ASTL: variants seen among roughly 807,000 people sequenced by gnomAD.
ASTL encodes astacin like metalloendopeptidase, also known as astacin-like metalloendopeptidase.
Under a neutral mutation model 36.7 loss-of-function variants are expected in ASTL, and 27 were observed. That is an observed-to-expected ratio of 0.73 (90% CI 0.54 to 1.01). The LOEUF (loss-of-function observed/expected upper bound fraction) is 1.01, where lower values mean the gene tolerates loss of function less well. Among genes scored for constraint, ASTL ranks in the 50% least tolerant of loss-of-function variants. ASTL has a pLI of 0.00. For missense variants in ASTL, 524 were observed against 572.8 expected (o/e 0.91, Z 0.87); for synonymous variants, 222 against 228.1 (o/e 0.97, Z 0.24).
chr2:96,131,335 GT>G (rs765438884), intron 6 of ASTL, among the ~76,000 whole-genome samples: 1 of 152,178 alleles, frequency 6.6e-6, no homozygotes, highest in South Asian at 2.1e-4. Context: ...CTGAAAGAAA[GT>G]TTTGTTGTTT....
At chr2:96,131,667 G>A (rs1478995888) in intron 6 of ASTL, among the ~76,000 whole-genome samples, 1 of 152,102 alleles carries the variant, frequency 6.6e-6, no homozygotes, top group Non-Finnish European at 1.5e-5. Context: ...ACTCATGTTT[G>A]CTGAGAGCCA....
chr2:96,124,362 G>T lies in ASTL; in HGVS notation c.875-91C>A. The T allele has an allele frequency of 8.1e-7, 1 of 1,231,334 alleles. No individual in the cohort carries two copies. The highest frequency in any genetic ancestry group is 1.1e-6 in the Non-Finnish European group (1 of 927,362). 76.3% of individuals were successfully genotyped at this position (1,231,334 alleles called of 1,614,324 possible). ...GACCCAGAGCTGGCTCAGCTCACAG[G>T]AGTGGTGCCCACCCATGCCACGGCC... On this transcript the variant is annotated intron_variant, in intron 8 of 8. Coordinates refer to ENST00000342380, the MANE Select transcript of ASTL (RefSeq NM_001002036.4). This position sits in a 1 kb window ranked among gnomAD's most constrained non-coding sequence, Gnocchi z 4.1.
At position 96,130,128 on chromosome 2, in the gene ASTL, T is replaced by C. The variant is rs752809649; in HGVS notation, c.655A>G (p.Ile219Val). 3 of 1,613,640 alleles carry C rather than the reference T, an allele frequency of 1.9e-6. No individual in the cohort carries two copies. The African/African-American group carries it at 4.0e-5, about 22-fold the overall frequency. ...AGCATGTTGCTGCTCTGAGACTTGA[T>C]GAAGTTGATTTCAAAGCCTAAAAAT... ...EILPGFEINF[I>V]KSQSSNMLTP... Residue 219 changes from isoleucine to valine, a missense_variant, in exon 7 of 9, where the codon ATC becomes GTC. Transcript: ENST00000342380.
At chr2:96,135,713 C>T (rs1682282404) in intron 2 of ASTL, among the ~76,000 whole-genome samples, 1 of 152,186 alleles carries the variant, frequency 6.6e-6, no homozygotes, top group African/African-American at 2.4e-5. Context: ...TGTCCCTCTC[C>T]TGACTGTGGA....
chr2:96,129,775 C>T (rs779864625), intron 8 of ASTL, 49 bp downstream of exon 8: 2 of 1,500,014 alleles, frequency 1.3e-6, no homozygotes, highest in Non-Finnish European at 1.8e-6. Flanking sequence ...ACCATTAGAG[C>T]ACAGGCGCCT....
In ASTL at chr2:96,138,454, C is replaced by CGGCA; in HGVS notation, c.-19_-18insTGCC. On this transcript the variant is annotated 5_prime_UTR_variant, in exon 1 of 9. Transcript: ENST00000342380. ...CCCTCCATGGTAGAGCCCTGCTGCC[C>CGGCA]CTTCAGCAAACAAGACCAAGCCCCA... 3 of 1,604,814 alleles carry CGGCA rather than the reference C, an allele frequency of 1.9e-6. No individual in the cohort carries two copies. The highest frequency in any genetic ancestry group is 1.7e-6 in the Non-Finnish European group (2 of 1,175,062).
rs750236335 is a variant in ASTL at position 96,138,392 on chromosome 2, G to C, written c.45C>G (p.Leu15=). The change falls in exon 1 of 9, where the codon CTC becomes CTG. Residue 15 remains leucine, a synonymous_variant. Transcript: ENST00000342380. ...AGGCAGCCAGCTTACCTGGCAAGGA[G>C]AGCAGACCCAGCACCCAAGGCCAGA... is the stretch of plus-strand genomic sequence containing the variant. ...GGLWPWVLGL[L]SLPGVILGAP... is the part of the protein sequence containing the mutation. The C allele has an allele frequency of 1.2e-6, 2 of 1,610,118 alleles. No individual in the cohort carries two copies. Among genetic ancestry groups the C allele is most frequent in the Non-Finnish European group, 1.7e-6 (2 of 1,178,248 alleles).
At chr2:96,131,385 G>A (rs866814019) in intron 6 of ASTL, among the ~76,000 whole-genome samples, 1 of 152,066 alleles carries the variant, frequency 6.6e-6, no homozygotes, top group Non-Finnish European at 1.5e-5. Context: ...CGGTTTTGAT[G>A]TATCGGTTTC....
At position 96,132,310 on chromosome 2, in the gene ASTL, A is replaced by G. The variant is rs1406211340; in HGVS notation, c.637+230T>C. On this transcript the variant is annotated intron_variant, in intron 6 of 8. Transcript: ENST00000342380. This position sits in a 1 kb window ranked among gnomAD's most constrained non-coding sequence, Gnocchi z 5.4. ...CAAAGCAGGTGGTGGCGCCCTAGCT[A>G]AGGCACAACTACAGGTGGGTAGAGG... Among the ~76,000 whole-genome samples, 1 of 152,174 alleles carries G rather than the reference A, an allele frequency of 6.6e-6. No individual in the cohort carries two copies. The highest frequency in any genetic ancestry group is 6.5e-5 in the Admixed American group (1 of 15,294).
At chr2:96,131,498 A>G (rs557722864) in intron 6 of ASTL, among the ~76,000 whole-genome samples, 1 of 152,332 alleles carries the variant, frequency 6.6e-6, no homozygotes, top group Non-Finnish European at 1.5e-5. Flanking sequence ...GTAAACTTTC[A>G]CAACTGTTCC....
chr2:96,133,203 C>G (rs541060929), intron 5 of ASTL, among the ~76,000 whole-genome samples: 4 of 152,190 alleles, frequency 2.6e-5, no homozygotes, highest in African/African-American at 4.8e-5. Context: ...TGGAGTCCCC[C>G]GGGAGAGGAG....
chr2:96,129,888 C>T lies in ASTL; in HGVS notation c.810G>A (p.Ser270=), dbSNP rs749809450. ...AGAGTTTGAGGACCCGGGTGATGTC[C>T]GAGGCACTCAGGTTCCATCGCTGGC... ...HIGQRWNLSA[S]DITRVLKLYG... is the part of the protein sequence containing the mutation. Residue 270 remains serine, a synonymous_variant, in exon 8 of 9, where the codon TCG becomes TCA. Coordinates refer to ENST00000342380, the MANE Select transcript of ASTL (RefSeq NM_001002036.4). 1.8e-5 allele frequency: 29 copies of T among 1,603,908 alleles called. No individual in the cohort carries two copies. The highest frequency in any genetic ancestry group is 1.7e-4 in the African/African-American group (13 of 74,848).
intron 8 of ASTL, among the ~76,000 whole-genome samples, chr2:96,128,023 A>T (rs1682097749): frequency 6.6e-6 from 1 of 152,172 alleles, no homozygotes; most frequent in Admixed American, 6.5e-5. Flanking sequence ...ACCTGAGGTC[A>T]GGAGCTCAAG....
Position 96,132,430 on chromosome 2 carries a change from C to T in ASTL, c.637+110G>A. 4.2e-6 allele frequency: 4 copies of T among 959,210 alleles called. No individual in the cohort carries two copies. The highest frequency in any genetic ancestry group is 6.1e-6 in the Non-Finnish European group (4 of 660,032). The allele number at this position is 959,210 out of a possible 1,614,324, so 59.4% of individuals were successfully genotyped here. On this transcript the variant is annotated intron_variant, in intron 6 of 8. Transcript: ENST00000342380. This position sits in a 1 kb window ranked among gnomAD's most constrained non-coding sequence, Gnocchi z 5.4. ...CCCCACCTTCCCCACAGGAAGCAGG[C>T]AGGTGATGGGGAGGATGGATAGCCT...
At position 96,125,074 on chromosome 2, in the gene ASTL, T is replaced by A. The variant is rs192521807; in HGVS notation, c.875-803A>T. 5.3e-5 allele frequency among the ~76,000 whole-genome samples: 8 copies of A among 152,242 alleles called. No homozygotes were observed. The East Asian group carries it at 1.5e-3, about 29-fold the overall frequency. ...CCTGTGCACACTGAGGTAGCGCGGC[T>A]CTGCAGATACTCCCCAGACCCAGCA... On this transcript the variant is annotated intron_variant, in intron 8 of 8. Coordinates refer to ENST00000342380, the MANE Select transcript of ASTL (RefSeq NM_001002036.4).
At chr2:96,137,463 G>C in intron 2 of ASTL, 112 bp downstream of exon 2, 1 of 1,304,996 alleles carries the variant, frequency 7.7e-7, no homozygotes, top group South Asian at 1.3e-5. Flanking sequence ...TTAGAGCCCA[G>C]AGTAAGCTGG....
chr2:96,124,100 G>T lies in ASTL; in HGVS notation c.1046C>A (p.Pro349His), dbSNP rs1682014535. The T allele has an allele frequency of 1.2e-6, 2 of 1,607,556 alleles. No homozygotes were observed. The highest frequency in any genetic ancestry group is 1.7e-4 in the Middle Eastern group (1 of 6,018). ...PGESPHGWES[P>H]ALKKLSAEAS... is the part of the protein sequence containing the mutation. The stretch of plus-strand genomic sequence containing the variant: ...CTCTGCACTGAGCTTTTTCAGGGCA[G>T]GGGACTCCCACCCATGTGGGCTCTC... Residue 349 changes from proline (P) to histidine (H), a missense_variant, in exon 9 of 9, where the codon CCT becomes CAT. Physicochemically the swap from Pro to His is moderately conservative, Grantham distance 77. Coordinates refer to ENST00000342380, the MANE Select transcript of ASTL (RefSeq NM_001002036.4). This position sits in a 1 kb window ranked among gnomAD's most constrained non-coding sequence, Gnocchi z 4.1.
chr2:96,138,246 TA>T, intron 1 of ASTL, 135 bp downstream of exon 1: 1 of 822,702 alleles, frequency 1.2e-6, no homozygotes, highest in Non-Finnish European at 1.9e-6. Context: ...ACTTCTAGAA[TA>T]ACCCTGGAGA....
intron 3 of ASTL, among the ~76,000 whole-genome samples, chr2:96,134,968 G>A (rs1412763504): frequency 6.6e-6 from 1 of 152,128 alleles, no homozygotes; most frequent in East Asian, 1.9e-4. Flanking sequence ...TCCCTAGGTC[G>A]CCACTGCCAC....
Sources: allele counts gnomAD v4.1 joint callset (sites outside exome capture counted in the v4.1 genomes callset), GRCh38; gene constraint gnomAD v4.1.1; non-coding constraint Gnocchi (gnomAD v3.1); transcripts MANE v1.5; gene names NCBI Gene and HGNC (gene_info 2026-07-23, HGNC 2026-07-21).